ABLIM1: variants seen among roughly 807,000 people sequenced by gnomAD.
The protein encoded by ABLIM1 is actin binding LIM protein 1, also known as actin-binding LIM protein 1.
In ABLIM1, 40 loss-of-function variants were observed where a neutral mutation model predicts 107.0. The observed-to-expected ratio is 0.37, with a 90% CI of 0.29 to 0.49. The LOEUF (loss-of-function observed/expected upper bound fraction) is 0.49, where lower values mean the gene tolerates loss of function less well. ABLIM1 is among the 20% of genes least tolerant of loss of function. The pLI is 0.97. For synonymous variants in ABLIM1, 357 were observed against 357.3 expected, an observed-to-expected ratio of 1.00 and a Z score of 0.01; for missense variants, 857 against 1,008.5, an observed-to-expected ratio of 0.85 and a Z score of 2.04.
intron 1 of ABLIM1, among the ~76,000 whole-genome samples, chr10:114,719,773 C>T (rs2081795856): frequency 6.6e-6 from 1 of 152,108 alleles, no homozygotes; most frequent in Non-Finnish European, 1.5e-5. Context: ...TCCCGTCTTC[C>T]CAGGGCTAAT....
At chr10:114,704,271 G>GCTCTCTCGCTCTCTCTCT (rs2081363028) in intron 1 of ABLIM1, among the ~76,000 whole-genome samples, 1 of 40,958 alleles carries the variant, frequency 2.4e-5, no homozygotes, top group African/African-American at 7.3e-5. Context: ...TCTCTCTCTC[G>GCTCTCTCGCTCTCTCTCT]CTCTCTCTCT....
At chr10:114,543,054 C>T (rs1257646252) in intron 6 of ABLIM1, among the ~76,000 whole-genome samples, 1 of 152,166 alleles carries the variant, frequency 6.6e-6, no homozygotes. Flanking sequence ...TCAGGCTCCA[C>T]TCCAGCTAGC....
At chr10:114,618,086 A>T (rs550713349) in intron 1 of ABLIM1, among the ~76,000 whole-genome samples, 7 of 152,336 alleles carry the variant, frequency 4.6e-5, no homozygotes, top group African/African-American at 1.7e-4. Flanking sequence ...CACTATGCTT[A>T]TATCAACTCA....
intron 1 of ABLIM1, among the ~76,000 whole-genome samples, chr10:114,756,272 A>T (rs1027135057): frequency 2.0e-5 from 3 of 152,088 alleles, no homozygotes; most frequent in Non-Finnish European, 2.9e-5. Context: ...ACTAGACATT[A>T]CTCTGTCTAA....
At chr10:114,553,553 G>A (rs774536069) in intron 4 of ABLIM1, among the ~76,000 whole-genome samples, 11 of 152,212 alleles carry the variant, frequency 7.2e-5, no homozygotes, top group Non-Finnish European at 1.6e-4. Context: ...AGTCAGCAGC[G>A]AGCTCTTCAC....
At chr10:114,566,430 T>C (rs1477276234) in intron 4 of ABLIM1, among the ~76,000 whole-genome samples, 1 of 152,154 alleles carries the variant, frequency 6.6e-6, no homozygotes, top group Non-Finnish European at 1.5e-5. Context: ...CATCCCTCCT[T>C]AACCCATGGG....
chr10:114,443,992 C>T lies in ABLIM1; in HGVS notation c.1933+37G>A, dbSNP rs780668284. The stretch of plus-strand genomic sequence containing the variant: ...AGGTGCCTTACAAGCAGGTGGCTGG[C>T]TCTCGAATCAGGGAAGGTTGGGGGT... On this transcript the variant is annotated intron_variant, in intron 17 of 22. Coordinates refer to ENST00000533213, the MANE Select transcript of ABLIM1 (RefSeq NM_002313.7). 5.6e-5 allele frequency: 86 copies of T among 1,548,764 alleles called. 1 individual carries two copies. In the East Asian group the frequency reaches 1.9e-3, roughly 34 times the overall value.
intron 2 of ABLIM1, among the ~76,000 whole-genome samples, chr10:114,583,007 C>T (rs1290443292): frequency 6.6e-6 from 1 of 152,006 alleles, no homozygotes; most frequent in Non-Finnish European, 1.5e-5. Context: ...CAAAAATTGA[C>T]AAGTGGGATC....
At chr10:114,568,020 C>A (rs980449642) in intron 4 of ABLIM1, among the ~76,000 whole-genome samples, 1 of 151,606 alleles carries the variant, frequency 6.6e-6, no homozygotes, top group African/African-American at 2.4e-5. Flanking sequence ...GAAACCCCGT[C>A]TCTACTAAAA....
chr10:114,649,182 G>A (rs2079134462), intron 1 of ABLIM1, among the ~76,000 whole-genome samples: 1 of 152,010 alleles, frequency 6.6e-6, no homozygotes, highest in African/African-American at 2.4e-5. Context: ...CAGGTCATTT[G>A]AGGTCAGGAG....
intron 1 of ABLIM1, among the ~76,000 whole-genome samples, chr10:114,715,386 G>T (rs1001518334): frequency 6.6e-6 from 1 of 152,102 alleles, no homozygotes; most frequent in Non-Finnish European, 1.5e-5. Flanking sequence ...AAAATCAGTT[G>T]CTAGAAAAGA....
intron 1 of ABLIM1, among the ~76,000 whole-genome samples, chr10:114,682,174 G>A (rs927269356): frequency 3.3e-5 from 5 of 152,178 alleles, no homozygotes; most frequent in African/African-American, 1.2e-4. Flanking sequence ...ATTAACGGCT[G>A]ACTATCTCAA....
chr10:114,793,449 C>T, the ABLIM1 span, among the ~76,000 whole-genome samples: 1 of 152,180 alleles, frequency 6.6e-6, no homozygotes, highest in Non-Finnish European at 1.5e-5. Flanking sequence ...ACCATGCTTC[C>T]TGTACAGCCT....
intron 1 of ABLIM1, among the ~76,000 whole-genome samples, chr10:114,716,090 G>C (rs1457514421): frequency 6.6e-6 from 1 of 152,138 alleles, no homozygotes; most frequent in Non-Finnish European, 1.5e-5. Flanking sequence ...ATGGTATTGT[G>C]AGAATAGGGA....
At chr10:114,569,667 C>T (rs773517595) in intron 4 of ABLIM1, among the ~76,000 whole-genome samples, 3 of 152,156 alleles carry the variant, frequency 2.0e-5, no homozygotes, top group Non-Finnish European at 2.9e-5. Flanking sequence ...CAAGCCCTCC[C>T]AAATAATGGG....
intron 6 of ABLIM1, among the ~76,000 whole-genome samples, chr10:114,505,819 C>T (rs1203718379): frequency 6.6e-6 from 1 of 152,160 alleles, no homozygotes; most frequent in Non-Finnish European, 1.5e-5. Context: ...CCACCCTGCT[C>T]TTATTTCCTT....
At chr10:114,605,326 T>G (rs937986809) in intron 1 of ABLIM1, among the ~76,000 whole-genome samples, 3 of 152,226 alleles carry the variant, frequency 2.0e-5, no homozygotes, top group African/African-American at 7.2e-5. Context: ...AATTTTGAAA[T>G]ATGCTGAGTC....
intron 2 of ABLIM1, among the ~76,000 whole-genome samples, chr10:114,596,778 T>A (rs1276386638): frequency 1.3e-5 from 2 of 152,202 alleles, no homozygotes; most frequent in African/African-American, 2.4e-5. Flanking sequence ...GTCCCCTTTC[T>A]CCTTTTTTTC....
At chr10:114,535,575 G>A (rs2065913693) in intron 6 of ABLIM1, among the ~76,000 whole-genome samples, 1 of 152,166 alleles carries the variant, frequency 6.6e-6, no homozygotes, top group Non-Finnish European at 1.5e-5. Flanking sequence ...CTCCCAAAGT[G>A]CTGAGATTAC....
Sources: allele counts gnomAD v4.1 joint callset (sites outside exome capture counted in the v4.1 genomes callset), GRCh38; gene constraint gnomAD v4.1.1; transcripts MANE v1.5; gene names NCBI Gene and HGNC (gene_info 2026-07-23, HGNC 2026-07-21).